Variants in PEBP4 observed in about 807,000 individuals in gnomAD.
The protein encoded by PEBP4 is phosphatidylethanolamine binding protein 4, also known as phosphatidylethanolamine-binding protein 4.
Under a neutral mutation model 23.9 loss-of-function variants are expected in PEBP4, and 22 were observed. The ratio of observed to expected loss-of-function variants is 0.92; its 90% CI spans 0.66 to 1.31. The LOEUF is 1.31. Among genes scored for constraint, PEBP4 ranks in the 40% most tolerant of loss-of-function variants. The pLI is 0.00. For missense variants in PEBP4, 324 were observed against 281.7 expected, an observed-to-expected ratio of 1.15 and a Z score of -1.07; for synonymous variants, 112 against 99.3, an observed-to-expected ratio of 1.13 and a Z score of -0.76.
intron 3 of PEBP4, among the ~76,000 whole-genome samples, chr8:22,834,144 C>A (rs764212055): frequency 1.3e-5 from 2 of 152,190 alleles, no homozygotes; most frequent in Non-Finnish European, 2.9e-5. Flanking sequence ...AAACACAAGT[C>A]GCCCTGCGCT....
chr8:22,825,478 T>C (rs144675332), intron 3 of PEBP4, among the ~76,000 whole-genome samples: 6 of 152,368 alleles, frequency 3.9e-5, no homozygotes, highest in East Asian at 1.9e-4. Context: ...GACTGTTTTA[T>C]ACTTCTGTAG....
At chr8:22,875,421 C>G (rs1808100216) in intron 3 of PEBP4, among the ~76,000 whole-genome samples, 1 of 152,040 alleles carries the variant, frequency 6.6e-6, no homozygotes, top group Non-Finnish European at 1.5e-5. Flanking sequence ...ACTTCATCAC[C>G]CAGGTATTAA....
intron 3 of PEBP4, among the ~76,000 whole-genome samples, chr8:22,857,599 C>T (rs190784224): frequency 3.3e-5 from 5 of 152,232 alleles, no homozygotes; most frequent in South Asian, 2.1e-4. Flanking sequence ...ACTGATGTAA[C>T]GAGTCTTTCA....
chr8:22,731,783 C>T (rs943315836), intron 4 of PEBP4, among the ~76,000 whole-genome samples: 1 of 151,638 alleles, frequency 6.6e-6, no homozygotes, highest in Non-Finnish European at 1.5e-5. Flanking sequence ...CTCAGCCTCC[C>T]GAGTAGCTGG....
chr8:22,733,179 A>G (rs903110490), intron 4 of PEBP4, among the ~76,000 whole-genome samples: 4 of 152,236 alleles, frequency 2.6e-5, no homozygotes, highest in African/African-American at 9.6e-5. Flanking sequence ...GAGAGAAACC[A>G]CAGAAGCTTC....
chr8:22,765,744 G>GGT (rs1266751620), intron 4 of PEBP4, among the ~76,000 whole-genome samples: 1 of 152,218 alleles, frequency 6.6e-6, no homozygotes, highest in East Asian at 1.9e-4. Flanking sequence ...CCACGCTGCG[G>GGT]GTGGGCTCTC....
intron 3 of PEBP4, among the ~76,000 whole-genome samples, chr8:22,819,110 A>G (rs183980387): frequency 6.6e-6 from 1 of 152,206 alleles, no homozygotes; most frequent in African/African-American, 2.4e-5. Flanking sequence ...AGTCATTGAT[A>G]TAGAGATGGC....
intron 4 of PEBP4, among the ~76,000 whole-genome samples, chr8:22,770,345 C>T (rs1175638042): frequency 6.6e-6 from 1 of 152,198 alleles, no homozygotes; most frequent in East Asian, 1.9e-4. Flanking sequence ...AATCGCAGTC[C>T]CCCTTCCAAA....
intron 4 of PEBP4, among the ~76,000 whole-genome samples, chr8:22,774,325 T>C (rs1805774019): frequency 6.6e-6 from 1 of 152,220 alleles, no homozygotes; most frequent in South Asian, 2.1e-4. Flanking sequence ...AAGGACTCAA[T>C]GAGTTACCCT....
chr8:22,818,425 A>G (rs538063851), intron 3 of PEBP4, among the ~76,000 whole-genome samples: 43 of 152,332 alleles, frequency 2.8e-4, no homozygotes, highest in Admixed American at 2.8e-3. Context: ...AATAGCTGCT[A>G]TGAAGGTCTT....
At chr8:22,906,963 C>T (rs758832607) in intron 3 of PEBP4, among the ~76,000 whole-genome samples, 2 of 151,994 alleles carry the variant, frequency 1.3e-5, no homozygotes, top group South Asian at 4.2e-4. Flanking sequence ...AAGGTGAACA[C>T]GAAGGAAAGA....
At chr8:22,881,520 C>G (rs989286695) in intron 3 of PEBP4, among the ~76,000 whole-genome samples, 16 of 152,248 alleles carry the variant, frequency 1.1e-4, no homozygotes, top group African/African-American at 3.6e-4. Flanking sequence ...TTGTATGTCC[C>G]CAGTGCCTAG....
chr8:22,862,955 C>T (rs796449541), intron 3 of PEBP4, among the ~76,000 whole-genome samples: 1 of 152,200 alleles, frequency 6.6e-6, no homozygotes, highest in Admixed American at 6.5e-5. Flanking sequence ...CGCCCGCCCC[C>T]ACGCCTGGAT....
chr8:22,842,725 T>C (rs1310268894), intron 3 of PEBP4, among the ~76,000 whole-genome samples: 1 of 152,214 alleles, frequency 6.6e-6, no homozygotes, highest in Non-Finnish European at 1.5e-5. Context: ...GTGCAGCCTC[T>C]GAAGCTGCAC....
At chr8:22,894,836 CAT>C (rs1263825753) in intron 3 of PEBP4, among the ~76,000 whole-genome samples, 1 of 152,116 alleles carries the variant, frequency 6.6e-6, no homozygotes, top group Non-Finnish European at 1.5e-5. Context: ...ATGCTGAATT[CAT>C]ATAACTGAGT....
chr8:22,724,984 G>A, intron 5 of PEBP4, 28 bp from the exon 6 acceptor site: 2 of 1,563,124 alleles, frequency 1.3e-6, no homozygotes, highest in Non-Finnish European at 1.8e-6. Context: ...AGAGAGGTGA[G>A]CATCAACATC....
chr8:22,857,985 T>C (rs988911253), intron 3 of PEBP4, among the ~76,000 whole-genome samples: 2 of 152,170 alleles, frequency 1.3e-5, no homozygotes, highest in African/African-American at 4.8e-5. Context: ...TGGGGCAAAC[T>C]CTTAGTTGTT....
chr8:22,750,081 C>T (rs1805220262), intron 4 of PEBP4, among the ~76,000 whole-genome samples: 1 of 152,084 alleles, frequency 6.6e-6, no homozygotes, highest in African/African-American at 2.4e-5. Context: ...GCTGGGATTA[C>T]AGGCGTGAGC....
chr8:22,797,113 G>T (rs1394933903), intron 4 of PEBP4, among the ~76,000 whole-genome samples: 1 of 151,878 alleles, frequency 6.6e-6, no homozygotes, highest in Non-Finnish European at 1.5e-5. Context: ...AATCAGCCGG[G>T]CATGGTGGCA....
Sources: allele counts gnomAD v4.1 joint callset (sites outside exome capture counted in the v4.1 genomes callset), GRCh38; gene constraint gnomAD v4.1.1; transcripts MANE v1.5; gene names NCBI Gene and HGNC (gene_info 2026-07-23, HGNC 2026-07-21).